HPSE2: variants seen among roughly 807,000 people sequenced by gnomAD.
HPSE2 encodes the protein heparanase 2 (inactive), also known as inactive heparanase-2.
In HPSE2, 38 loss-of-function variants were observed where a neutral mutation model predicts 60.5. The observed-to-expected ratio is 0.63, with a 90% CI of 0.48 to 0.82. The LOEUF is 0.82. Ranked by LOEUF, HPSE2 falls within the 40% of genes least tolerant of loss-of-function variation. The pLI is 0.00. For synonymous variants in HPSE2, 295 were observed against 293.2 expected (o/e 1.01, Z -0.06); for missense variants, 713 against 740.4 (o/e 0.96, Z 0.43).
At chr10:99,078,152 G>A (rs1303338355) in intron 3 of HPSE2, among the ~76,000 whole-genome samples, 1 of 152,118 alleles carries the variant, frequency 6.6e-6, no homozygotes, top group Non-Finnish European at 1.5e-5. Flanking sequence ...ACAAAACCAT[G>A]AGCCAAAATA....
In HPSE2 at chr10:98,521,375, A is replaced by G. The variant is rs1453553380; in HGVS notation, c.1321-31179T>C. 2.6e-5 allele frequency among the ~76,000 whole-genome samples: 4 copies of G among 152,258 alleles called. No individual in the cohort carries two copies. In the South Asian group the frequency reaches 6.2e-4, roughly 24 times the overall value. ...AGACATTTATGCAGCCAACAGACACATGAAAAAATGCTCATCATCACTGAT... is the reference window on the plus strand; with the variant it reads ...AGACATTTATGCAGCCAACAGACACGTGAAAAAATGCTCATCATCACTGAT... On this transcript the variant is annotated intron_variant, in intron 9 of 11. Transcript: ENST00000370552.
chr10:98,683,708 C>T (rs1947842442), intron 6 of HPSE2, among the ~76,000 whole-genome samples: 1 of 151,606 alleles, frequency 6.6e-6, no homozygotes, highest in Non-Finnish European at 1.5e-5. Flanking sequence ...CAATATCTGA[C>T]TAATAAAAAT....
intron 9 of HPSE2, among the ~76,000 whole-genome samples, chr10:98,609,491 T>C (rs891476189): frequency 1.3e-5 from 2 of 152,190 alleles, no homozygotes; most frequent in African/African-American, 4.8e-5. Flanking sequence ...CAATTTTCCA[T>C]ACAAAAAATT....
chr10:99,103,098 C>A (rs1047491248), intron 3 of HPSE2, among the ~76,000 whole-genome samples: 1 of 152,196 alleles, frequency 6.6e-6, no homozygotes, highest in South Asian at 2.1e-4. Context: ...TTTCTCACCC[C>A]TCCTAGTCAA....
intron 9 of HPSE2, among the ~76,000 whole-genome samples, chr10:98,532,620 A>C (rs1211083840): frequency 6.6e-6 from 1 of 152,328 alleles, no homozygotes; most frequent in East Asian, 1.9e-4. Context: ...TGGAAGTTGA[A>C]GTTACAGAGT....
At chr10:98,595,462 A>G (rs12261658) in intron 9 of HPSE2, among the ~76,000 whole-genome samples, 16,698 of 151,996 alleles carry the variant, frequency 0.11, 1,585 homozygotes, top group African/African-American at 0.27. Flanking sequence ...GAGCCACCAC[A>G]CCCGGCCAAA....
chr10:98,955,562 C>T (rs1049423514), intron 3 of HPSE2, among the ~76,000 whole-genome samples: 2 of 152,006 alleles, frequency 1.3e-5, no homozygotes, highest in Non-Finnish European at 1.5e-5. Context: ...TCTTCAAAGA[C>T]CTAGAATCAG....
At chr10:99,008,755 G>A (rs1956944945) in intron 3 of HPSE2, among the ~76,000 whole-genome samples, 1 of 152,124 alleles carries the variant, frequency 6.6e-6, no homozygotes, top group Non-Finnish European at 1.5e-5. Flanking sequence ...AAGTCCATCT[G>A]TTTCAATTCT....
intron 6 of HPSE2, among the ~76,000 whole-genome samples, chr10:98,664,604 C>G (rs1947312851): frequency 6.6e-6 from 1 of 152,156 alleles, no homozygotes; most frequent in Non-Finnish European, 1.5e-5. Flanking sequence ...CAAAAGAGCC[C>G]GGTGGCTAAG....
At chr10:98,745,969 A>G (rs938268314) in intron 3 of HPSE2, among the ~76,000 whole-genome samples, 2 of 152,266 alleles carry the variant, frequency 1.3e-5, no homozygotes. Flanking sequence ...GTATTTTATC[A>G]GTTTTTGAAG....
At chr10:98,596,742 T>C (rs973434564) in intron 9 of HPSE2, among the ~76,000 whole-genome samples, 1 of 152,198 alleles carries the variant, frequency 6.6e-6, no homozygotes. Flanking sequence ...AACTCCCTTA[T>C]ATGCGATTTG....
intron 9 of HPSE2, among the ~76,000 whole-genome samples, chr10:98,519,302 A>G (rs916016442): frequency 6.6e-6 from 1 of 152,234 alleles, no homozygotes; most frequent in Non-Finnish European, 1.5e-5. Context: ...TAGTTGGCCC[A>G]CAGCCAGGAA....
At chr10:98,915,135 A>G (rs988944904) in intron 3 of HPSE2, among the ~76,000 whole-genome samples, 2 of 149,764 alleles carry the variant, frequency 1.3e-5, no homozygotes, top group Non-Finnish European at 3.0e-5. Flanking sequence ...ATTGTTCTAC[A>G]GTTTTCTAAA....
intron 3 of HPSE2, among the ~76,000 whole-genome samples, chr10:99,098,930 T>C (rs1843826519): frequency 1.3e-5 from 2 of 152,186 alleles, no homozygotes; most frequent in South Asian, 4.1e-4. Flanking sequence ...AAAAACAATG[T>C]TAACATTAAA....
intron 3 of HPSE2, among the ~76,000 whole-genome samples, chr10:99,046,566 T>A (rs909233741): frequency 3.9e-5 from 6 of 152,152 alleles, no homozygotes; most frequent in African/African-American, 1.4e-4. Context: ...TATGATTCTA[T>A]ACCTAGAAAA....
At chr10:99,014,563 C>G (rs1395552670) in intron 3 of HPSE2, among the ~76,000 whole-genome samples, 1 of 152,070 alleles carries the variant, frequency 6.6e-6, no homozygotes, top group African/African-American at 2.4e-5. Context: ...CTATTTACAC[C>G]CCCACAAACA....
chr10:99,008,672 C>T (rs140575964), intron 3 of HPSE2, among the ~76,000 whole-genome samples: 1 of 152,206 alleles, frequency 6.6e-6, no homozygotes, highest in East Asian at 1.9e-4. Flanking sequence ...GATTTCTAAA[C>T]TAGAAATATA....
intron 3 of HPSE2, among the ~76,000 whole-genome samples, chr10:98,956,203 G>A (rs1365023318): frequency 6.6e-6 from 1 of 152,096 alleles, no homozygotes; most frequent in Non-Finnish European, 1.5e-5. Flanking sequence ...AAACAAGGAA[G>A]ATGAGGACTC....
chr10:98,752,620 A>G (rs1949784732), intron 3 of HPSE2, among the ~76,000 whole-genome samples: 1 of 152,208 alleles, frequency 6.6e-6, no homozygotes, highest in Non-Finnish European at 1.5e-5. Context: ...TGAAAATGGC[A>G]AAAGTCTTGA....
Sources: allele counts gnomAD v4.1 joint callset (sites outside exome capture counted in the v4.1 genomes callset), GRCh38; gene constraint gnomAD v4.1.1; transcripts MANE v1.5; gene names NCBI Gene and HGNC (gene_info 2026-07-23, HGNC 2026-07-21).